Variants in HNF4A observed in about 807,000 individuals in gnomAD.
The protein encoded by HNF4A is hepatocyte nuclear factor 4 alpha, also known as hepatocyte nuclear factor 4-alpha.
A neutral mutation model predicts 52.4 loss-of-function variants in HNF4A; 15 were observed. The observed-to-expected ratio is 0.29, with a 90% CI of 0.19 to 0.44. The LOEUF (loss-of-function observed/expected upper bound fraction) is 0.44. Ranked by LOEUF, HNF4A falls within the 20% of genes least tolerant of loss-of-function variation. The pLI is 1.00. For missense variants in HNF4A, 479 were observed against 647.2 expected (o/e 0.74, Z 2.82); for synonymous variants, 280 against 264.4 (o/e 1.06, Z -0.57).
chr20:44,424,716 C>A, intron 8 of HNF4A: 2 of 675,292 alleles, frequency 3.0e-6, no homozygotes, highest in Non-Finnish European at 4.2e-6. Context: ...GACTCTTGTG[C>A]TAAGACCCTA....
chr20:44,384,968 C>T (rs2063201386), intron 1 of HNF4A, among the ~76,000 whole-genome samples: 1 of 150,412 alleles, frequency 6.6e-6, no homozygotes, highest in Non-Finnish European at 1.5e-5. Flanking sequence ...GATGAGCAGA[C>T]ACACCTCTCA....
intron 2 of HNF4A, among the ~76,000 whole-genome samples, chr20:44,406,651 C>T (rs1002270171): frequency 6.6e-6 from 1 of 152,184 alleles, no homozygotes; most frequent in Non-Finnish European, 1.5e-5. Flanking sequence ...TTCCACCAAC[C>T]CCAAAGTCTT....
At position 44,424,577 on chromosome 20, in the gene HNF4A, A is replaced by G. The variant is rs1252116368; in HGVS notation, c.1129+323A>G. 2.2e-6 allele frequency: 3 copies of G among 1,342,610 alleles called. No homozygotes were observed. In the African/African-American group the frequency reaches 4.4e-5, roughly 20 times the overall value. 83.2% of individuals were successfully genotyped at this position (1,342,610 alleles called of 1,614,324 possible). ...CGTGGATATCTGTGTATATGCCCGT[A>G]TGTGCGTGCATGTGTATATAAAGCC... is the stretch of plus-strand genomic sequence containing the variant. On this transcript the variant is annotated intron_variant, in intron 8 of 9. Transcript: ENST00000316099.
rs370239205 is a variant in HNF4A, at chr20:44,413,708, C to A, written c.400C>A (p.Arg134=). 38 of 1,613,304 alleles carry A rather than the reference C, an allele frequency of 2.4e-5. No individual in the cohort carries two copies. The highest frequency in any genetic ancestry group is 1.1e-5 in the South Asian group (1 of 90,980). ...CCTCCTCACAGCCGTCCAGAATGAG[C>A]GGGACCGGATCAGCACTCGAAGGTC... Residue 134 remains arginine (R), a synonymous_variant, in exon 4 of 10, where the codon CGG becomes AGG. Coordinates refer to ENST00000316099, the MANE Select transcript of HNF4A (RefSeq NM_000457.6).
At chr20:44,362,132 G>A (rs2062923502) in intron 1 of HNF4A, among the ~76,000 whole-genome samples, 1 of 151,682 alleles carries the variant, frequency 6.6e-6, no homozygotes. Context: ...CTGAGGCTGG[G>A]CATGGTGGCT....
rs751374772 is a variant in HNF4A, at chr20:44,369,249, CAAAAAAA to C, written c.49+13419_49+13425del. Among the ~76,000 whole-genome samples, 25 of 24,824 alleles carry C rather than the reference CAAAAAAA, an allele frequency of 1.0e-3. No homozygotes were observed. In the South Asian group the frequency reaches 0.043, roughly 43 times the overall value. 16.3% of individuals were successfully genotyped at this position (24,824 alleles called of 152,430 possible). ...GGGCAACAAGAGCAAAACTCCATCT[CAAAAAAA>C]AAAAAAAAAAAAAAAAAAAAAACTG... is the stretch of plus-strand genomic sequence containing the variant. On this transcript the variant is annotated intron_variant, in intron 1 of 9. Transcript: ENST00000316673.
chr20:44,363,937 A>G (rs1257138554), intron 1 of HNF4A, among the ~76,000 whole-genome samples: 3 of 151,644 alleles, frequency 2.0e-5, no homozygotes, highest in Admixed American at 6.6e-5. Flanking sequence ...TGATCCTCCC[A>G]CCTCGGCCTC....
intron 8 of HNF4A, 91 bp downstream of exon 8, chr20:44,424,345 C>T: frequency 1.9e-6 from 3 of 1,568,576 alleles, no homozygotes; most frequent in Non-Finnish European, 2.6e-6. Flanking sequence ...AGCTCCTTGG[C>T]TTCCCCACTG....
In HNF4A at chr20:44,431,675, C is replaced by T. The variant is rs2063879449; in HGVS notation, c.*2010C>T. 1 of 152,140 alleles carries T rather than the reference C, an allele frequency of 6.6e-6. No individual in the cohort carries two copies. The highest frequency in any genetic ancestry group is 6.6e-5 in the Admixed American group (1 of 15,266). 9.4% of individuals were successfully genotyped at this position (152,140 alleles called of 1,614,324 possible). A position where few individuals can be genotyped will look rare whatever the true frequency, so the allele number is the denominator to read the frequency against. ...GGACATTCTGGAAAATGCCACTGAC[C>T]AGTGTGAACAAAAGGGATGTGTTAT... On this transcript the variant is annotated 3_prime_UTR_variant, in exon 10 of 10. Coordinates refer to ENST00000316099, the MANE Select transcript of HNF4A (RefSeq NM_000457.6).
chr20:44,416,974 C>T (rs1001115545), intron 5 of HNF4A, among the ~76,000 whole-genome samples: 3 of 152,010 alleles, frequency 2.0e-5, no homozygotes, highest in Non-Finnish European at 4.4e-5. Context: ...GTCCTCTGTA[C>T]TTATTTGTTC....
intron 4 of HNF4A, 103 bp from the exon 5 acceptor site, chr20:44,414,404 C>A: frequency 6.5e-7 from 1 of 1,539,416 alleles, no homozygotes; most frequent in Non-Finnish European, 9.0e-7. Context: ...ACTATCCAGC[C>A]CCCTCCCCAC....
At chr20:44,407,098 A>T (rs2063511640) in intron 2 of HNF4A, among the ~76,000 whole-genome samples, 1 of 152,184 alleles carries the variant, frequency 6.6e-6, no homozygotes, top group South Asian at 2.1e-4. Flanking sequence ...GGTACTCCAG[A>T]GGTCAAGGTT....
rs372212547 is a variant in HNF4A, at chr20:44,426,893, C to T, written c.1130-1442C>T. On this transcript the variant is annotated intron_variant, in intron 8 of 9. Coordinates refer to ENST00000316099, the MANE Select transcript of HNF4A (RefSeq NM_000457.6). ...CAGTAGGGCTGAAGAATTTTTGCAG[C>T]GATGGTATTAGATTACGGGAGCTGG... Among the ~76,000 whole-genome samples, 39 of 152,124 alleles carry T rather than the reference C, an allele frequency of 2.6e-4. 2 individuals are homozygous for T. In the South Asian group the frequency reaches 7.3e-3, roughly 28 times the overall value.
chr20:44,427,541 A>G (rs1178202723), intron 8 of HNF4A, among the ~76,000 whole-genome samples: 2 of 152,228 alleles, frequency 1.3e-5, no homozygotes, highest in African/African-American at 4.8e-5. Flanking sequence ...TCATCGTCAT[A>G]TTACTCACCA....
rs2079782643 is a variant in HNF4A at position 44,431,466 on chromosome 20, A to AG, written c.*1803dup. 1.3e-5 allele frequency: 2 copies of AG among 152,264 alleles called. No homozygotes were observed. The highest frequency in any genetic ancestry group is 4.1e-4 in the South Asian group (2 of 4,832). 9.4% of individuals were successfully genotyped at this position (152,264 alleles called of 1,614,324 possible). ...GGCAGGGGTCTGTTTCCTGGAAGTCAGGCTCATCTGGCCTGTTGGCATGGG... is the reference window on the plus strand; with the variant it reads ...GGCAGGGGTCTGTTTCCTGGAAGTCAGGGCTCATCTGGCCTGTTGGCATGGG... On this transcript the variant is annotated 3_prime_UTR_variant, in exon 10 of 10. Transcript: ENST00000316099.
chr20:44,414,393 C>T (rs1361339706), intron 4 of HNF4A, 114 bp from the exon 5 acceptor site: 1 of 1,472,566 alleles, frequency 6.8e-7, no homozygotes, highest in Non-Finnish European at 9.5e-7. Context: ...GGAGGGCACC[C>T]ACTATCCAGC....
intron 1 of HNF4A, among the ~76,000 whole-genome samples, chr20:44,357,690 A>G (rs2146136859): frequency 6.6e-6 from 1 of 152,248 alleles, no homozygotes; most frequent in East Asian, 1.9e-4. Flanking sequence ...GGTTGCTTCT[A>G]TCGACAGGTA....
At chr20:44,416,066 G>C (rs1158216858) in intron 5 of HNF4A, among the ~76,000 whole-genome samples, 2 of 152,164 alleles carry the variant, frequency 1.3e-5, no homozygotes, top group Non-Finnish European at 2.9e-5. Context: ...GGGGCTCAGA[G>C]CATTCTCAGA....
intron 7 of HNF4A, among the ~76,000 whole-genome samples, chr20:44,420,745 G>A (rs2063733193): frequency 6.6e-6 from 1 of 152,188 alleles, no homozygotes; most frequent in Admixed American, 6.5e-5. Context: ...TTGAGCCCAG[G>A]AGGTGGAGGC....
Sources: gnomAD v4.1 joint callset for allele counts (sites outside exome capture counted in the v4.1 genomes callset) on GRCh38, gnomAD v4.1.1 for gene constraint, MANE v1.5 for transcripts, NCBI Gene and HGNC (gene_info 2026-07-23, HGNC 2026-07-21) for gene names.